The following RTN1 variants were observed in gnomAD, a reference collection of about 807,000 sequenced individuals.
The protein encoded by RTN1 is reticulon 1.
Under a neutral mutation model 65.5 loss-of-function variants are expected in RTN1, and 25 were observed. That is an observed-to-expected ratio of 0.38 (90% CI 0.28 to 0.53). The LOEUF (loss-of-function observed/expected upper bound fraction) is 0.53. RTN1 is among the 20% of genes least tolerant of loss of function. The pLI is 0.79. For missense variants in RTN1, 983 were observed against 1,025.4 expected (o/e 0.96, Z 0.57); for synonymous variants, 471 against 447.6 (o/e 1.05, Z -0.66).
intron 3 of RTN1, among the ~76,000 whole-genome samples, chr14:59,692,934 G>T (rs1387224125): frequency 2.0e-5 from 3 of 152,126 alleles, no homozygotes; most frequent in Non-Finnish European, 4.4e-5. Flanking sequence ...TAATAATTAG[G>T]TATTTGCTAC....
At chr14:59,691,174 T>G (rs1264771703) in intron 3 of RTN1, among the ~76,000 whole-genome samples, 1 of 151,908 alleles carries the variant, frequency 6.6e-6, no homozygotes, top group East Asian at 1.9e-4. Context: ...TAAACAAAAT[T>G]GATAGCCCAC....
chr14:59,631,904 A>T (rs55908072), intron 3 of RTN1, among the ~76,000 whole-genome samples: 6,487 of 152,216 alleles, frequency 0.043, 205 homozygotes, highest in Non-Finnish European at 0.061. Flanking sequence ...TTCATAGAGA[A>T]GTGGAGCCTT....
intron 2 of RTN1, among the ~76,000 whole-genome samples, chr14:59,745,033 T>C (rs1367711110): frequency 6.6e-6 from 1 of 152,160 alleles, no homozygotes; most frequent in Admixed American, 6.5e-5. Flanking sequence ...CATGGATTAA[T>C]GGATTAAAGA....
At chr14:59,804,884 G>C (rs73302061) in intron 1 of RTN1, among the ~76,000 whole-genome samples, 3 of 152,106 alleles carry the variant, frequency 2.0e-5, no homozygotes, top group African/African-American at 7.2e-5. Context: ...AATGTTGAAT[G>C]AAAGACATTA....
intron 8 of RTN1, among the ~76,000 whole-genome samples, chr14:59,599,246 C>G (rs1881503277): frequency 6.6e-6 from 1 of 152,160 alleles, no homozygotes; most frequent in Admixed American, 6.5e-5. Context: ...TTTTAGAAAC[C>G]TAAATGTAGG....
At chr14:59,743,005 G>A (rs1038228545) in intron 2 of RTN1, among the ~76,000 whole-genome samples, 3 of 152,156 alleles carry the variant, frequency 2.0e-5, no homozygotes, top group South Asian at 2.1e-4. Context: ...TTTTGATGTG[G>A]GATGTATATG....
chr14:59,703,136 TCTAA>T lies in RTN1; in HGVS notation c.1765+23779_1765+23782del, dbSNP rs1884215528. The stretch of plus-strand genomic sequence containing the variant: ...CTCCCTCCATCACATTCTCAATCCC[TCTAA>T]CTCTTTCTACTTTTTCTTTTCCTCC... On this transcript the variant is annotated intron_variant, in intron 3 of 8. Coordinates refer to ENST00000267484, the MANE Select transcript of RTN1 (RefSeq NM_021136.3). Among the ~76,000 whole-genome samples, 4 of 152,270 alleles carry T rather than the reference TCTAA, an allele frequency of 2.6e-5. No individual in the cohort carries two copies. The South Asian group carries it at 6.2e-4, about 24-fold the overall frequency.
intron 3 of RTN1, among the ~76,000 whole-genome samples, chr14:59,633,659 T>C (rs1240238499): frequency 1.3e-5 from 2 of 152,228 alleles, no homozygotes; most frequent in Non-Finnish European, 2.9e-5. Context: ...ACTGCCACTA[T>C]CTTTAAACCA....
chr14:59,703,223 C>G (rs892726511), intron 3 of RTN1, among the ~76,000 whole-genome samples: 1 of 152,090 alleles, frequency 6.6e-6, no homozygotes, highest in African/African-American at 2.4e-5. Flanking sequence ...TATATGATAT[C>G]GTTTGGGTAT....
chr14:59,835,293 C>T (rs999958254), intron 1 of RTN1, among the ~76,000 whole-genome samples: 1 of 151,504 alleles, frequency 6.6e-6, no homozygotes, highest in Admixed American at 6.6e-5. Context: ...CTATAAAAAT[C>T]AAGGAAACTA....
At chr14:59,799,704 C>T (rs1886504113) in intron 1 of RTN1, among the ~76,000 whole-genome samples, 1 of 152,154 alleles carries the variant, frequency 6.6e-6, no homozygotes, top group Non-Finnish European at 1.5e-5. Flanking sequence ...CCTTTGGTGG[C>T]ATAGGCATTC....
intron 1 of RTN1, among the ~76,000 whole-genome samples, chr14:59,851,855 C>CAAAAAAAAAAAAAA (rs5809049): frequency 1.1e-5 from 1 of 88,198 alleles, no homozygotes; most frequent in African/African-American, 4.5e-5. Flanking sequence ...GACACAGTCT[C>CAAAAAAAAAAAAAA]AAAAAAAAAA....
intron 3 of RTN1, among the ~76,000 whole-genome samples, chr14:59,651,764 A>C (rs904003834): frequency 3.3e-5 from 5 of 151,958 alleles, no homozygotes; most frequent in African/African-American, 2.4e-5. Context: ...CAACCCCCCC[A>C]AAAAAACCCA....
At chr14:59,644,153 G>C (rs998803139) in intron 3 of RTN1, among the ~76,000 whole-genome samples, 1 of 152,190 alleles carries the variant, frequency 6.6e-6, no homozygotes. Flanking sequence ...AGAAGCAACT[G>C]GTGTGTGTTG....
intron 2 of RTN1, among the ~76,000 whole-genome samples, chr14:59,738,496 A>G (rs1474969922): frequency 6.6e-6 from 1 of 152,228 alleles, no homozygotes; most frequent in African/African-American, 2.4e-5. Context: ...AAAAGTCAAA[A>G]AACAACAAAT....
rs183212382 is a variant in RTN1 at position 59,754,952 on chromosome 14, C to T, written c.242-8471G>A. ...AAATGGACATAGATCCTGTCATGAA[C>T]GTGATGATGCCTGACTTGAGCACAA... On this transcript the variant is annotated intron_variant, in intron 1 of 8. Coordinates refer to ENST00000267484, the MANE Select transcript of RTN1 (RefSeq NM_021136.3). 1.5e-4 allele frequency among the ~76,000 whole-genome samples: 23 copies of T among 152,158 alleles called. 1 individual carries two copies. The East Asian group carries it at 1.7e-3, about 12-fold the overall frequency.
At chr14:59,664,459 A>C (rs1883321995) in intron 3 of RTN1, among the ~76,000 whole-genome samples, 1 of 152,198 alleles carries the variant, frequency 6.6e-6, no homozygotes, top group Non-Finnish European at 1.5e-5. Flanking sequence ...CATTACTTCA[A>C]GTATAATAAA....
intron 1 of RTN1, among the ~76,000 whole-genome samples, chr14:59,840,764 AT>A (rs1456367199): frequency 6.6e-6 from 1 of 152,142 alleles, no homozygotes; most frequent in East Asian, 1.9e-4. Flanking sequence ...AATTAAAGAA[AT>A]TTTTCATGAG....
At chr14:59,843,126 T>A (rs1485724133) in intron 1 of RTN1, among the ~76,000 whole-genome samples, 3 of 152,248 alleles carry the variant, frequency 2.0e-5, no homozygotes, top group African/African-American at 7.2e-5. Context: ...TATATTTCTA[T>A]TGTAGAATAT....
Sources: gnomAD v4.1 joint callset for allele counts (sites outside exome capture counted in the v4.1 genomes callset) on GRCh38, gnomAD v4.1.1 for gene constraint, MANE v1.5 for transcripts, NCBI Gene and HGNC (gene_info 2026-07-23, HGNC 2026-07-21) for gene names.